Variants in KYAT3 observed in about 807,000 individuals in gnomAD.
KYAT3 encodes the protein kynurenine--oxoglutarate transaminase 3.
In KYAT3, 50 loss-of-function variants were observed where a neutral mutation model predicts 59.0. The observed-to-expected ratio is 0.85, with a 90% CI of 0.68 to 1.07. The LOEUF (loss-of-function observed/expected upper bound fraction) is 1.07, where lower values mean the gene tolerates loss of function less well. KYAT3 is among the 50% of genes least tolerant of loss of function. The pLI is 0.00. For synonymous variants in KYAT3, 148 were observed against 177.0 expected, an observed-to-expected ratio of 0.84 and a Z score of 1.30; for missense variants, 497 against 533.3, an observed-to-expected ratio of 0.93 and a Z score of 0.67.
chr1:88,965,089 TA>T, intron 4 of KYAT3, 111 bp from the exon 5 acceptor site: 1 of 771,858 alleles, frequency 1.3e-6, no homozygotes, highest in Non-Finnish European at 2.0e-6. Context: ...TTGATGTTTA[TA>T]ATTACCCCAA....
intron 4 of KYAT3, among the ~76,000 whole-genome samples, chr1:88,966,413 T>C (rs1249422426): frequency 1.3e-5 from 2 of 152,192 alleles, no homozygotes; most frequent in Non-Finnish European, 2.9e-5. Context: ...TAATGTTTTA[T>C]AGATTTCATC....
At chr1:88,974,026 GT>G (rs1359259038) in intron 2 of KYAT3, among the ~76,000 whole-genome samples, 1 of 152,096 alleles carries the variant, frequency 6.6e-6, no homozygotes, top group Non-Finnish European at 1.5e-5. Flanking sequence ...CAGCCAAAAA[GT>G]TTAATATTAG....
chr1:88,923,942 C>T, the KYAT3 span: 1 of 164,368 alleles, frequency 6.1e-6, no homozygotes, highest in Non-Finnish European at 1.3e-5. Flanking sequence ...CCAGAACTTT[C>T]AAAAGATATT....
downstream of KYAT3, among the ~76,000 whole-genome samples, chr1:88,932,921 C>T (rs969375625): frequency 1.3e-5 from 2 of 152,178 alleles, no homozygotes; most frequent in Non-Finnish European, 2.9e-5. Flanking sequence ...TACTCTCCCC[C>T]TTGGTTATTC....
chr1:88,969,458 G>T lies in KYAT3; in HGVS notation c.109C>A (p.Leu37Met). ...ATCCGTTTTGCATTTGTGAATTTCA[G>T]TGACATTTTCTGAAATATATAAATA... ...LGFSTSAKMS[L>M]KFTNAKRIEG... The change falls in exon 3 of 14, where the codon CTG becomes ATG. Residue 37 changes from leucine (L) to methionine (M), a missense_variant. Coordinates refer to ENST00000260508, the MANE Select transcript of KYAT3 (RefSeq NM_001008661.3). The T allele has an allele frequency of 6.3e-7, 1 of 1,575,712 alleles. No homozygotes were observed. Among genetic ancestry groups the T allele is most frequent in the Non-Finnish European group, 8.7e-7 (1 of 1,147,078 alleles).
chr1:88,935,462 A>C (rs1675000425), downstream of KYAT3, among the ~76,000 whole-genome samples: 1 of 152,096 alleles, frequency 6.6e-6, no homozygotes, highest in Non-Finnish European at 1.5e-5. Context: ...TGAATTTGTG[A>C]TCTCAAAAGG....
intron 5 of KYAT3, among the ~76,000 whole-genome samples, chr1:88,962,988 C>CTTT (rs397956625): frequency 0.031 from 4,451 of 144,678 alleles, 196 homozygotes; most frequent in African/African-American, 0.1. Flanking sequence ...TCCTCTCTCT[C>CTTT]TTTTTTTTTT....
chr1:88,953,545 CAAAA>C (rs67537454), intron 9 of KYAT3, among the ~76,000 whole-genome samples: 12 of 100,898 alleles, frequency 1.2e-4, no homozygotes, highest in Admixed American at 1.0e-4. Context: ...GACTCTATCT[CAAAA>C]AAAAAAAAAA....
intron 2 of KYAT3, among the ~76,000 whole-genome samples, chr1:88,978,477 A>C (rs1676905704): frequency 6.6e-6 from 1 of 152,022 alleles, no homozygotes; most frequent in East Asian, 1.9e-4. Context: ...CTGGGATGAC[A>C]TATGTGTGCC....
intron 10 of KYAT3, among the ~76,000 whole-genome samples, chr1:88,950,552 A>G (rs879782201): frequency 4.6e-5 from 7 of 151,872 alleles, no homozygotes; most frequent in Non-Finnish European, 5.9e-5. Context: ...ATACTGCCTT[A>G]GAAAATTCCA....
chr1:88,965,895 C>A (rs891350147), intron 4 of KYAT3, among the ~76,000 whole-genome samples: 3 of 152,158 alleles, frequency 2.0e-5, no homozygotes, highest in African/African-American at 4.8e-5. Context: ...AATAGCAGGT[C>A]TAACAAATTC....
chr1:88,985,184 A>G (rs1463937307), intron 2 of KYAT3, among the ~76,000 whole-genome samples: 1 of 152,170 alleles, frequency 6.6e-6, no homozygotes, highest in Non-Finnish European at 1.5e-5. Flanking sequence ...TATTCTCTCA[A>G]AAAAAATTGG....
downstream of KYAT3, chr1:88,935,738 G>A: frequency 2.9e-6 from 1 of 350,492 alleles, no homozygotes; most frequent in Non-Finnish European, 5.1e-6. Context: ...GGGTGGAACT[G>A]GTTAGGAGTT....
chr1:88,921,322 A>T, the KYAT3 span, among the ~76,000 whole-genome samples: 1 of 152,238 alleles, frequency 6.6e-6, no homozygotes, highest in East Asian at 1.9e-4. Context: ...CATAAAGGGA[A>T]GCCCTCCTTG....
intron 10 of KYAT3, among the ~76,000 whole-genome samples, chr1:88,950,367 C>T (rs1359680437): frequency 2.6e-5 from 4 of 152,134 alleles, no homozygotes; most frequent in Non-Finnish European, 4.4e-5. Context: ...AAATAAGGAT[C>T]GATTGCCTTA....
At chr1:88,924,334 C>A in the KYAT3 span, among the ~76,000 whole-genome samples, 1 of 152,260 alleles carries the variant, frequency 6.6e-6, no homozygotes, top group Non-Finnish European at 1.5e-5. Context: ...CCTCCCCTGG[C>A]AGTCAGGCCA....
intron 2 of KYAT3, among the ~76,000 whole-genome samples, chr1:88,970,264 G>C (rs1488546343): frequency 1.3e-5 from 2 of 152,132 alleles, no homozygotes; most frequent in East Asian, 3.9e-4. Flanking sequence ...TGAGTACTGA[G>C]TATGTCCTAG....
intron 2 of KYAT3, among the ~76,000 whole-genome samples, chr1:88,975,035 T>C (rs1210898421): frequency 1.3e-5 from 2 of 152,212 alleles, no homozygotes; most frequent in African/African-American, 2.4e-5. Flanking sequence ...TAATAAATCT[T>C]GCTGCTGCTC....
chr1:88,953,181 G>C lies in KYAT3; in HGVS notation c.865-29C>G, dbSNP rs750738467. On this transcript the variant is annotated intron_variant, in intron 9 of 13. Transcript: ENST00000260508. Reference sequence around the variant, plus strand: ...GGAAAGGAAAAGATAAAAGATTTCAGAAAATCTAATTGTATATAACAAATC... The same window carrying C: ...GGAAAGGAAAAGATAAAAGATTTCACAAAATCTAATTGTATATAACAAATC... 2.1e-6 allele frequency: 3 copies of C among 1,462,220 alleles called. No individual in the cohort carries two copies. In the East Asian group the frequency reaches 6.8e-5, roughly 33 times the overall value. The allele number at this position is 1,462,220 out of a possible 1,614,324, so 90.6% of individuals were successfully genotyped here. A position where few individuals can be genotyped will look rare whatever the true frequency, so the allele number is the denominator to read the frequency against.
Sources: gnomAD v4.1 joint callset for allele counts (sites outside exome capture counted in the v4.1 genomes callset) on GRCh38, gnomAD v4.1.1 for gene constraint, MANE v1.5 for transcripts, NCBI Gene and HGNC (gene_info 2026-07-23, HGNC 2026-07-21) for gene names.